KIAA0930: variants seen among roughly 807,000 people sequenced by gnomAD.
KIAA0930 encodes the protein KIAA0930.
A neutral mutation model predicts 43.9 loss-of-function variants in KIAA0930; 24 were observed. The observed-to-expected ratio is 0.55, with a 90% CI of 0.40 to 0.77. KIAA0930 has a LOEUF of 0.77. KIAA0930 is among the 30% of genes least tolerant of loss of function. KIAA0930 has a pLI of 0.00. For synonymous variants in KIAA0930, 259 were observed against 216.4 expected (o/e 1.20, Z -1.73); for missense variants, 461 against 574.2 (o/e 0.80, Z 2.02).
At chr22:45,227,640 G>A (rs1373333338) in intron 1 of KIAA0930, among the ~76,000 whole-genome samples, 1 of 152,122 alleles carries the variant, frequency 6.6e-6, no homozygotes, top group African/African-American at 2.4e-5. Flanking sequence ...GGAATGAAAC[G>A]CTGCCAATAC....
rs1323919621 is a variant in KIAA0930, at chr22:45,200,012, G to A, written c.876C>T (p.Pro292=). Residue 292 remains proline (P), a synonymous_variant, in exon 8 of 10, where the codon CCC becomes CCT. Coordinates refer to ENST00000336156, the MANE Select transcript of KIAA0930 (RefSeq NM_001009880.2). The part of the protein sequence containing the change: ...HERVTSFSTP[P]TPERNNRPAF... ...CAGGCCGGTTGTTCCGTTCTGGGGTGGGGGGTGTGCTGAAGGAGGTCACCT... is the reference window on the plus strand; with the variant it reads ...CAGGCCGGTTGTTCCGTTCTGGGGTAGGGGGTGTGCTGAAGGAGGTCACCT... 2.5e-6 allele frequency: 4 copies of A among 1,594,948 alleles called. No homozygotes were observed. The highest frequency in any genetic ancestry group is 2.6e-6 in the Non-Finnish European group (3 of 1,170,836).
At chr22:45,224,791 C>T (rs957400706) in intron 1 of KIAA0930, among the ~76,000 whole-genome samples, 13 of 152,086 alleles carry the variant, frequency 8.5e-5, no homozygotes, top group African/African-American at 3.1e-4. Flanking sequence ...TGAGTGAGGC[C>T]AGGATGGTGG....
Position 45,228,891 on chromosome 22 carries a change from AT to A in KIAA0930, c.64+11748del, listed in dbSNP as rs147383308. 7.4e-3 allele frequency among the ~76,000 whole-genome samples: 14 copies of A among 1,888 alleles called. 2 individuals carry two copies. Among genetic ancestry groups the A allele is most frequent in the Non-Finnish European group, 9.0e-3 (12 of 1,332 alleles). The allele number at this position is 1,888 out of a possible 152,430, so 1.2% of individuals were successfully genotyped here. On this transcript the variant is annotated intron_variant, in intron 1 of 9. Transcript: ENST00000336156. Reference sequence around the variant, plus strand: ...CCACTCACCCGAAAGATCCCTCCCCATCCCCCCAACCACTCACCCGAAAGAT... The same window carrying A: ...CCACTCACCCGAAAGATCCCTCCCCACCCCCCAACCACTCACCCGAAAGAT...
intron 1 of KIAA0930, among the ~76,000 whole-genome samples, chr22:45,239,562 T>C (rs2138148): frequency 0.89 from 134,709 of 152,136 alleles, 59,991 homozygotes; most frequent in East Asian, 1. Flanking sequence ...ACTTCCTCTC[T>C]CCACTCCAGC....
At chr22:45,197,518 C>T (rs2072720) in intron 9 of KIAA0930, among the ~76,000 whole-genome samples, 26,506 of 152,174 alleles carry the variant, frequency 0.17, 2,350 homozygotes, top group Admixed American at 0.21. Flanking sequence ...AGCCTCCCCT[C>T]GCCCGTGAGT....
At chr22:45,200,389 C>A (rs532585340) in intron 7 of KIAA0930, among the ~76,000 whole-genome samples, 3 of 152,318 alleles carry the variant, frequency 2.0e-5, no homozygotes, top group Admixed American at 2.0e-4. Flanking sequence ...ACTGGCCCCA[C>A]ACACAGACCC....
At chr22:45,211,904 C>T (rs2147748784) in intron 2 of KIAA0930, 52 bp downstream of exon 2, 1 of 1,580,038 alleles carries the variant, frequency 6.3e-7, no homozygotes, top group South Asian at 1.1e-5. Context: ...GAGCAGACAC[C>T]ACAGGGATGC....
intron 1 of KIAA0930, among the ~76,000 whole-genome samples, chr22:45,220,991 C>T (rs2147756150): frequency 2.0e-5 from 3 of 152,204 alleles, no homozygotes; most frequent in Middle Eastern, 6.8e-3. Context: ...GCGTTTCCAC[C>T]CTGCCCACTG....
At chr22:45,218,919 G>C (rs565993536) in intron 1 of KIAA0930, among the ~76,000 whole-genome samples, 12 of 152,300 alleles carry the variant, frequency 7.9e-5, no homozygotes, top group Non-Finnish European at 1.5e-4. Flanking sequence ...CTAAGAACCC[G>C]TGAAAGAACT....
chr22:45,211,170 G>C lies in KIAA0930; in HGVS notation c.216+786C>G, dbSNP rs78411074. ...GCATGAGCCTCTGCCAGCAAACCAT[G>C]GCCCCGGAGTTACAGAGCCAGGCAG... On this transcript the variant is annotated intron_variant, in intron 2 of 9. Transcript: ENST00000336156. Among the ~76,000 whole-genome samples, 958 of 152,326 alleles carry C rather than the reference G, an allele frequency of 6.3e-3. 16 individuals are homozygous for C. Among genetic ancestry groups the C allele is most frequent in the African/African-American group, 0.022 (910 of 41,560 alleles).
At chr22:45,222,253 CCTTT>C (rs1295936571) in intron 1 of KIAA0930, among the ~76,000 whole-genome samples, 1 of 152,096 alleles carries the variant, frequency 6.6e-6, no homozygotes, top group African/African-American at 2.4e-5. Context: ...GAGGGAGAAG[CCTTT>C]CTAAGGAGAA....
chr22:45,224,200 G>A (rs1215402653), intron 1 of KIAA0930, among the ~76,000 whole-genome samples: 1 of 152,182 alleles, frequency 6.6e-6, no homozygotes, highest in Non-Finnish European at 1.5e-5. Flanking sequence ...TTAAATGAAG[G>A]AAACTGTCTA....
At chr22:45,221,679 CAGA>C (rs2083768646) in intron 1 of KIAA0930, among the ~76,000 whole-genome samples, 1 of 152,168 alleles carries the variant, frequency 6.6e-6, no homozygotes, top group Non-Finnish European at 1.5e-5. Flanking sequence ...ATCAATGGAA[CAGA>C]ATAGAAAGCA....
intron 1 of KIAA0930, among the ~76,000 whole-genome samples, chr22:45,238,485 G>T (rs1249519545): frequency 6.6e-6 from 1 of 152,182 alleles, no homozygotes; most frequent in Non-Finnish European, 1.5e-5. Context: ...CATGTGCCTG[G>T]CACAAAGAGA....
At chr22:45,231,766 G>A (rs925218476) in intron 1 of KIAA0930, among the ~76,000 whole-genome samples, 9 of 152,180 alleles carry the variant, frequency 5.9e-5, no homozygotes, top group Admixed American at 2.0e-4. Context: ...GGAGGCCGAG[G>A]CAGGTGGATC....
intron 6 of KIAA0930, 83 bp downstream of exon 6, chr22:45,203,762 G>T: frequency 6.7e-7 from 1 of 1,500,734 alleles, no homozygotes; most frequent in South Asian, 1.3e-5. Flanking sequence ...AGGCTGGGGG[G>T]CCCCATGGTA....
rs995419634 is a variant in KIAA0930 at position 45,194,200 on chromosome 22, G to T, written c.*2976C>A. ...AGTGATTCTCCTTCCTCAGCCTTCC[G>T]AGTAGCTGGGATTACAGGTGCCTGC... On this transcript the variant is annotated 3_prime_UTR_variant, in exon 10 of 10. Coordinates refer to ENST00000336156, the MANE Select transcript of KIAA0930 (RefSeq NM_001009880.2). The T allele has an allele frequency of 6.6e-6, 1 of 151,266 alleles. No homozygotes were observed. Among genetic ancestry groups the T allele is most frequent in the Non-Finnish European group, 1.5e-5 (1 of 67,906 alleles). 9.4% of individuals were successfully genotyped at this position (151,266 alleles called of 1,614,324 possible).
At chr22:45,205,010 G>A (rs1209269188) in intron 5 of KIAA0930, among the ~76,000 whole-genome samples, 1 of 152,202 alleles carries the variant, frequency 6.6e-6, no homozygotes, top group Non-Finnish European at 1.5e-5. Context: ...TGATTTTACA[G>A]AGGAGGAAAC....
intron 1 of KIAA0930, among the ~76,000 whole-genome samples, chr22:45,236,501 G>A (rs1298910544): frequency 2.6e-5 from 4 of 152,094 alleles, no homozygotes; most frequent in Non-Finnish European, 4.4e-5. Context: ...GGGCCACGCT[G>A]GTGGCTCCAT....
Sources: allele counts gnomAD v4.1 joint callset (sites outside exome capture counted in the v4.1 genomes callset), GRCh38; gene constraint gnomAD v4.1.1; transcripts MANE v1.5; gene names NCBI Gene and HGNC (gene_info 2026-07-23, HGNC 2026-07-21).